ABI3BP: variants seen among roughly 807,000 people sequenced by gnomAD.
ABI3BP encodes ABI family member 3 binding protein.
ABI3BP carries 216 observed loss-of-function variants against 268.6 expected under a neutral mutation model. The ratio of observed to expected loss-of-function variants is 0.80; its 90% CI spans 0.72 to 0.90. ABI3BP has a LOEUF of 0.90. Among genes scored for constraint, ABI3BP ranks in the 40% least tolerant of loss-of-function variants. ABI3BP has a pLI of 0.00. For synonymous variants in ABI3BP, 730 were observed against 730.0 expected, an observed-to-expected ratio of 1.00 and a Z score of 0.00; for missense variants, 2,090 against 2,182.4, an observed-to-expected ratio of 0.96 and a Z score of 0.84.
chr3:100,840,077 T>C lies in ABI3BP; in HGVS notation c.1892A>G (p.Lys631Arg). 6.5e-7 allele frequency: 1 copy of C among 1,527,416 alleles called. No individual in the cohort carries two copies. The highest frequency in any genetic ancestry group is 8.8e-7 in the Non-Finnish European group (1 of 1,142,436). 94.6% of individuals were successfully genotyped at this position (1,527,416 alleles called of 1,614,324 possible). ...TTPSPEVPKS[K>R]PALEPATIQP... ...AACCTGAATATCACATTTACCGGGT[T>C]TGGACTTGGGCACTTCTGGACTAGG... is the stretch of plus-strand genomic sequence containing the variant. Residue 631 changes from lysine to arginine, a missense_variant, in exon 23 of 68, where the codon AAA becomes AGA. By Grantham distance (26) the Lys-to-Arg change is conservative. Transcript: ENST00000471714.
chr3:100,904,718 C>T (rs1455496891), intron 2 of ABI3BP, among the ~76,000 whole-genome samples: 1 of 152,198 alleles, frequency 6.6e-6, no homozygotes, highest in African/African-American at 2.4e-5. Flanking sequence ...GAGATACCAT[C>T]TCACACCAGT....
At chr3:100,947,208 T>C (rs940410623) in intron 1 of ABI3BP, among the ~76,000 whole-genome samples, 1 of 152,140 alleles carries the variant, frequency 6.6e-6, no homozygotes, top group African/African-American at 2.4e-5. Flanking sequence ...TCTCTGATGG[T>C]TTGCTATTAA....
intron 4 of ABI3BP, among the ~76,000 whole-genome samples, chr3:100,892,725 G>T (rs998819613): frequency 6.6e-6 from 1 of 152,202 alleles, no homozygotes; most frequent in Non-Finnish European, 1.5e-5. Context: ...CTGCATTTTA[G>T]TAAGGTTCCC....
intron 1 of ABI3BP, among the ~76,000 whole-genome samples, chr3:100,982,319 A>G (rs1191877142): frequency 2.6e-5 from 4 of 152,140 alleles, no homozygotes; most frequent in African/African-American, 9.7e-5. Context: ...TTAAAAATGT[A>G]CCTGGTCTTC....
intron 1 of ABI3BP, among the ~76,000 whole-genome samples, chr3:100,966,193 C>T (rs905664582): frequency 6.6e-6 from 1 of 152,190 alleles, no homozygotes; most frequent in East Asian, 1.9e-4. Flanking sequence ...AAATAGAAAA[C>T]CATGACTTCA....
chr3:100,993,209 C>A, intron 1 of ABI3BP, 97 bp downstream of exon 1: 1 of 852,576 alleles, frequency 1.2e-6, no homozygotes, highest in Admixed American at 2.4e-5. Context: ...TAACTCTATT[C>A]CCCCCGTATG....
chr3:100,977,133 C>T (rs1165599363), intron 1 of ABI3BP, among the ~76,000 whole-genome samples: 2 of 152,062 alleles, frequency 1.3e-5, no homozygotes, highest in Non-Finnish European at 2.9e-5. Flanking sequence ...TTTCTTTTGC[C>T]CATAGGCAAA....
At chr3:100,787,187 G>A (rs1204444396) in intron 57 of ABI3BP, among the ~76,000 whole-genome samples, 1 of 152,070 alleles carries the variant, frequency 6.6e-6, no homozygotes, top group East Asian at 1.9e-4. Flanking sequence ...CCAGAGATCT[G>A]ATTAGATTAG....
chr3:100,804,751 A>C (rs1313056860), intron 51 of ABI3BP, 41 bp downstream of exon 51: 8 of 1,543,936 alleles, frequency 5.2e-6, no homozygotes, highest in Non-Finnish European at 7.2e-6. Context: ...AGAGTGGGAC[A>C]GTAGAATGCA....
chr3:100,823,622 A>C (rs2098291366), intron 36 of ABI3BP, 108 bp from the exon 37 acceptor site: 5 of 822,462 alleles, frequency 6.1e-6, no homozygotes, highest in African/African-American at 1.8e-5. Context: ...AGAGAAACAA[A>C]AAAAAAATTA....
chr3:100,961,465 T>C (rs1192088261), intron 1 of ABI3BP, among the ~76,000 whole-genome samples: 1 of 152,110 alleles, frequency 6.6e-6, no homozygotes, highest in African/African-American at 2.4e-5. Flanking sequence ...AATGACAGCA[T>C]GAGAGGGATG....
At position 100,898,825 on chromosome 3, in the gene ABI3BP, G is replaced by A; in HGVS notation, c.398C>T (p.Ser133Phe). ...GTLTPSSVFL[S>F]WGFLINPHHD... The stretch of plus-strand genomic sequence containing the variant: ...GTGTGGGTTGATGAGGAAACCCCAG[G>A]ACAGGAAGACCGAGCTCGGTGTCAG... The change falls in exon 4 of 68, where the codon TCC (serine) becomes TTC (phenylalanine). Residue 133 changes from serine (S) to phenylalanine (F), a missense_variant. Transcript: ENST00000471714. 1.9e-6 allele frequency: 3 copies of A among 1,613,770 alleles called. No homozygotes were observed. Among genetic ancestry groups the A allele is most frequent in the South Asian group, 2.2e-5 (2 of 91,012 alleles).
At chr3:100,761,334 A>G (rs1223743118) in intron 63 of ABI3BP, among the ~76,000 whole-genome samples, 1 of 152,104 alleles carries the variant, frequency 6.6e-6, no homozygotes, top group Non-Finnish European at 1.5e-5. Context: ...AAACAATCAC[A>G]TCTCCCCACA....
intron 12 of ABI3BP, chr3:100,863,111 A>C: frequency 1.8e-6 from 1 of 541,482 alleles, no homozygotes; most frequent in Non-Finnish European, 3.2e-6. Flanking sequence ...TAAGTGACTA[A>C]ATTTAAGCTA....
At chr3:100,959,406 C>T (rs1420247126) in intron 1 of ABI3BP, among the ~76,000 whole-genome samples, 2 of 141,556 alleles carry the variant, frequency 1.4e-5, no homozygotes, top group East Asian at 2.1e-4. Flanking sequence ...AGGAGAATGG[C>T]GTGAACCCGG....
intron 63 of ABI3BP, among the ~76,000 whole-genome samples, chr3:100,762,277 T>C (rs571196193): frequency 6.6e-6 from 1 of 152,362 alleles, no homozygotes; most frequent in Non-Finnish European, 1.5e-5. Flanking sequence ...AAGCTTTTCA[T>C]ACTATTTGGA....
Position 100,749,404 on chromosome 3 carries a change from T to TAATCA in ABI3BP, c.*1090_*1091insTGATT, listed in dbSNP as rs2095201307. The TAATCA allele has an allele frequency of 2.7e-6, 1 of 375,840 alleles. No homozygotes were observed. Among genetic ancestry groups the TAATCA allele is most frequent in the Admixed American group, 4.5e-5 (1 of 22,080 alleles). The allele number at this position is 375,840 out of a possible 1,614,324, so 23.3% of individuals were successfully genotyped here. On this transcript the variant is annotated 3_prime_UTR_variant, in exon 68 of 68. Transcript: ENST00000471714. ...TGAAAAATACAAAATGTAGCGTTGA[T>TAATCA]AAGATTGAAGCATGTTGAAAGGTAA...
intron 14 of ABI3BP, among the ~76,000 whole-genome samples, chr3:100,860,396 G>T (rs796456739): frequency 2.6e-5 from 4 of 152,188 alleles, no homozygotes; most frequent in African/African-American, 9.7e-5. Flanking sequence ...GTTCTCTGGC[G>T]ACCTAAGGTT....
chr3:100,962,497 T>C (rs1429599981), intron 1 of ABI3BP, among the ~76,000 whole-genome samples: 1 of 152,218 alleles, frequency 6.6e-6, no homozygotes, highest in Non-Finnish European at 1.5e-5. Context: ...TGACCTTACA[T>C]TCTCTTTCAG....
Sources: allele counts gnomAD v4.1 joint callset (sites outside exome capture counted in the v4.1 genomes callset), GRCh38; gene constraint gnomAD v4.1.1; transcripts MANE v1.5; gene names NCBI Gene and HGNC (gene_info 2026-07-23, HGNC 2026-07-21).